SV2A: variants seen among roughly 807,000 people sequenced by gnomAD.
The protein encoded by SV2A is synaptic vesicle glycoprotein 2A, also known as solute carrier family 22 member B1.
In SV2A, 25 loss-of-function variants were observed where a neutral mutation model predicts 78.0. The ratio of observed to expected loss-of-function variants is 0.32; its 90% CI spans 0.23 to 0.45. The LOEUF (loss-of-function observed/expected upper bound fraction) is 0.45. Ranked by LOEUF, SV2A falls within the 20% of genes least tolerant of loss-of-function variation. The probability of loss-of-function intolerance (pLI) is 1.00; values close to 1 mark genes in which losing one functional copy is unlikely to be tolerated. For synonymous variants in SV2A, 355 were observed against 384.7 expected, an observed-to-expected ratio of 0.92 and a Z score of 0.90; for missense variants, 752 against 971.5, an observed-to-expected ratio of 0.77 and a Z score of 3.00.
At chr1:149,905,613 T>C (rs1269313860) in intron 12 of SV2A, 7 of 378,190 alleles carry the variant, frequency 1.9e-5, no homozygotes, top group East Asian at 5.6e-5. Context: ...AGCTAACTTT[T>C]TGTATTTTTA....
chr1:149,911,140 C>T (rs587768934), intron 3 of SV2A, among the ~76,000 whole-genome samples, 163 bp from the exon 4 acceptor site: 1 of 152,288 alleles, frequency 6.6e-6, no homozygotes, highest in East Asian at 1.9e-4. Context: ...CCATCAAGCA[C>T]CCATCCTTGG....
rs2092466592 is a variant in SV2A at position 149,910,155 on chromosome 1, G to C, written c.1090-265C>G. On this transcript the variant is annotated intron_variant, in intron 5 of 12. Transcript: ENST00000369146. This position sits in a 1 kb window ranked among gnomAD's most constrained non-coding sequence, Gnocchi z 4.2. Reference sequence around the variant, plus strand: ...TGTCCAGGGGAAAAAGGCAAGCACAGGTCTTGGGAATTCCATAGTACAGAG... The same window carrying C: ...TGTCCAGGGGAAAAAGGCAAGCACACGTCTTGGGAATTCCATAGTACAGAG... 6.6e-6 allele frequency among the ~76,000 whole-genome samples: 1 copy of C among 152,194 alleles called. No homozygotes were observed. Among genetic ancestry groups the C allele is most frequent in the Admixed American group, 6.5e-5 (1 of 15,288 alleles).
In SV2A at chr1:149,910,025, C is replaced by T; in HGVS notation, c.1090-135G>A. The T allele has an allele frequency of 1.3e-6, 1 of 776,374 alleles. No homozygotes were observed. Among genetic ancestry groups the T allele is most frequent in the South Asian group, 1.6e-5 (1 of 62,276 alleles). 48.1% of individuals were successfully genotyped at this position (776,374 alleles called of 1,614,324 possible). Reference sequence around the variant, plus strand: ...CCCAGCCCTCAACCCCACCACCAAGCCCTGACCTATGGGCATGCACTCACC... The same window carrying T: ...CCCAGCCCTCAACCCCACCACCAAGTCCTGACCTATGGGCATGCACTCACC... On this transcript the variant is annotated intron_variant, in intron 5 of 12. Transcript: ENST00000369146. This position sits in a 1 kb window ranked among gnomAD's most constrained non-coding sequence, Gnocchi z 4.2.
intron 11 of SV2A, 133 bp downstream of exon 11, chr1:149,906,516 AC>A (rs1559786405): frequency 2.1e-6 from 2 of 934,554 alleles, no homozygotes; most frequent in East Asian, 5.3e-5. Context: ...ATCCTGCAGC[AC>A]CCCCTAAACA....
chr1:149,909,778 G>C (rs1553763428), intron 6 of SV2A, 23 bp downstream of exon 6: 1 of 1,612,634 alleles, frequency 6.2e-7, no homozygotes. Context: ...GTGGAGGTCT[G>C]AGTCGGGAGG....
intron 3 of SV2A, 96 bp from the exon 4 acceptor site, chr1:149,911,073 G>A (rs1165527873): frequency 6.8e-7 from 1 of 1,467,858 alleles, no homozygotes; most frequent in Admixed American, 2.1e-5. Context: ...TGTCTTCCAG[G>A]CTTTTGAAGA....
Position 149,908,072 on chromosome 1 carries a change from A to C in SV2A, c.1514T>G (p.Ile505Ser), listed in dbSNP as rs144042890. Residue 505 changes from isoleucine (I) to serine (S), a missense_variant, in exon 9 of 13, where the codon ATC becomes AGC. Ile to Ser is a moderately radical substitution (Grantham distance 142). This residue lies in a region of SV2A where 81 missense variants were observed against 74.2 expected (regional missense o/e 1.09). Coordinates refer to ENST00000369146, the MANE Select transcript of SV2A (RefSeq NM_014849.5). ...ATTGAAGTACTGCCCGCCTCGGTGG[A>C]TCTGATTCTCCAACGTGAAGTTAAA... ...VTFNFTLENQIHRGGQYFNDK... is the reference protein window; with the variant it reads ...VTFNFTLENQSHRGGQYFNDK... 1 of 1,613,990 alleles carries C rather than the reference A, an allele frequency of 6.2e-7. No individual in the cohort carries two copies. Among genetic ancestry groups the C allele is most frequent in the African/African-American group, 1.3e-5 (1 of 74,876 alleles).
chr1:149,916,330 A>T (rs938288064), intron 1 of SV2A, among the ~76,000 whole-genome samples: 3 of 152,204 alleles, frequency 2.0e-5, no homozygotes, highest in Non-Finnish European at 4.4e-5. Context: ...CAAGCCCAGG[A>T]GGTCAGGAGA....
At chr1:149,914,421 C>T (rs1356777874) in intron 1 of SV2A, among the ~76,000 whole-genome samples, 1 of 152,168 alleles carries the variant, frequency 6.6e-6, no homozygotes, top group Admixed American at 6.5e-5. Flanking sequence ...GAATTTGCTC[C>T]AAAGTCGCAG....
rs868990205 is a variant in SV2A, at chr1:149,910,413, A to C, written c.1089+157T>G. 6.6e-6 allele frequency among the ~76,000 whole-genome samples: 1 copy of C among 152,166 alleles called. No homozygotes were observed. The highest frequency in any genetic ancestry group is 1.5e-5 in the Non-Finnish European group (1 of 68,026). The stretch of plus-strand genomic sequence containing the variant: ...GACACATTCCAAGGCAAAGAATGCA[A>C]GATAAAGTCCCCTGGAGAGTGGACT... On this transcript the variant is annotated intron_variant, in intron 5 of 12. Transcript: ENST00000369146. The surrounding 1 kb of genome is among the most constrained non-coding windows in gnomAD (Gnocchi z 4.2).
At chr1:149,909,674 G>A in intron 6 of SV2A, 103 bp from the exon 7 acceptor site, 5 of 1,428,114 alleles carry the variant, frequency 3.5e-6, no homozygotes, top group Non-Finnish European at 4.9e-6. Context: ...GGCAGGAGGT[G>A]GATATGATAC....
rs782665136 is a variant in SV2A at position 149,913,784 on chromosome 1, A to C, written c.57T>G (p.Ala19=). The C allele has an allele frequency of 6.2e-7, 1 of 1,613,858 alleles. No individual in the cohort carries two copies. The highest frequency in any genetic ancestry group is 2.2e-5 in the East Asian group (1 of 44,846). ...TGGCCGCATGCTTTTTGACTTCCTTAGCAATGTCTTTGGCCCCACGGATGA... is the reference window on the plus strand; with the variant it reads ...TGGCCGCATGCTTTTTGACTTCCTTCGCAATGTCTTTGGCCCCACGGATGA... ...AAFIRGAKDI[A]KEVKKHAAKK... is the part of the protein sequence containing the mutation. Residue 19 remains alanine (A), a synonymous_variant, in exon 2 of 13, where the codon GCT becomes GCG. Transcript: ENST00000369146.
At chr1:149,906,886 G>GTCA (rs1553762862) in intron 10 of SV2A, 30 bp from the exon 11 acceptor site, 1 of 1,612,742 alleles carries the variant, frequency 6.2e-7, no homozygotes, top group African/African-American at 1.3e-5. Flanking sequence ...TAAGCAGGCA[G>GTCA]TCATAGCAGA....
chr1:149,909,810 T>C lies in SV2A; in HGVS notation c.1170A>G (p.Arg390=). The part of the protein sequence containing the change: ...TNMRAKGHPE[R]VFSVTHIKTI... ...GAGGGCTGTGGCTTACTGAGAACAC[T>C]CGCTCAGGATGTCCTTTGGCTCGCA... Residue 390 remains arginine (R), a synonymous_variant, in exon 6 of 13, where the codon CGA becomes CGG. Coordinates refer to ENST00000369146, the MANE Select transcript of SV2A (RefSeq NM_014849.5). 2 of 1,613,822 alleles carry C rather than the reference T, an allele frequency of 1.2e-6. No homozygotes were observed. Among genetic ancestry groups the C allele is most frequent in the South Asian group, 1.1e-5 (1 of 91,056 alleles).
rs1373947139 is a variant in SV2A at position 149,908,062 on chromosome 1, G to C, written c.1524C>G (p.Gly508=). ...CATACTTGTCATTGAAGTACTGCCC[G>C]CCTCGGTGGATCTGATTCTCCAACG... ...NFTLENQIHR[G]GQYFNDKFIG... Residue 508 remains glycine (G), a synonymous_variant, in exon 9 of 13, where the codon GGC becomes GGG. Transcript: ENST00000369146. 1.2e-6 allele frequency: 2 copies of C among 1,613,974 alleles called. No individual in the cohort carries two copies. Among genetic ancestry groups the C allele is most frequent in the African/African-American group, 1.3e-5 (1 of 74,918 alleles).
intron 8 of SV2A, among the ~76,000 whole-genome samples, chr1:149,908,650 TC>T (rs2092454627): frequency 6.6e-6 from 1 of 152,086 alleles, no homozygotes; most frequent in Admixed American, 6.5e-5. Context: ...TTCTTTTTTT[TC>T]TTTTGAGACG....
chr1:149,911,052 C>T (rs1383546684), intron 3 of SV2A, 75 bp from the exon 4 acceptor site: 23 of 1,516,006 alleles, frequency 1.5e-5, no homozygotes, highest in African/African-American at 1.5e-4. Context: ...CTCTGGACCC[C>T]GAGCCCCTTT....
Position 149,907,020 on chromosome 1 carries a change from C to T in SV2A, c.1679-164G>A, listed in dbSNP as rs1184103745. 1.4e-5 allele frequency: 21 copies of T among 1,452,854 alleles called. No individual in the cohort carries two copies. The African/African-American group carries it at 2.8e-4, about 20-fold the overall frequency. 90.0% of individuals were successfully genotyped at this position (1,452,854 alleles called of 1,614,324 possible). A position where few individuals can be genotyped will look rare whatever the true frequency, so the allele number is the denominator to read the frequency against. On this transcript the variant is annotated intron_variant, in intron 10 of 12. Coordinates refer to ENST00000369146, the MANE Select transcript of SV2A (RefSeq NM_014849.5). ...ACATCAAATAACATCACCATGGGAA[C>T]TAGGGATCTTTAGAGCAGAAAATGA...
intron 6 of SV2A, 60 bp downstream of exon 6, chr1:149,909,741 G>A (rs1234221415): frequency 6.3e-7 from 1 of 1,578,196 alleles, no homozygotes; most frequent in Non-Finnish European, 8.7e-7. Flanking sequence ...TCAGAGAGGG[G>A]CCAGGTAGGG....
Sources: allele counts gnomAD v4.1 joint callset (sites outside exome capture counted in the v4.1 genomes callset), GRCh38; gene constraint gnomAD v4.1.1; regional missense constraint gnomAD v4.1.1; non-coding constraint Gnocchi (gnomAD v3.1); transcripts MANE v1.5; gene names NCBI Gene and HGNC (gene_info 2026-07-23, HGNC 2026-07-21).